Variants in ICA1 observed in about 807,000 individuals in gnomAD.
The protein encoded by ICA1 is 69 kDa islet cell autoantigen.
In ICA1, 40 loss-of-function variants were observed where a neutral mutation model predicts 71.0. That is an observed-to-expected ratio of 0.56 (90% confidence interval 0.44 to 0.73). The LOEUF (loss-of-function observed/expected upper bound fraction) is 0.73. ICA1 is among the 30% of genes least tolerant of loss of function. The probability of loss-of-function intolerance (pLI) is 0.00; values close to 1 mark genes in which losing one functional copy is unlikely to be tolerated. For synonymous variants in ICA1, 207 were observed against 209.5 expected, an observed-to-expected ratio of 0.99 and a Z score of 0.10; for missense variants, 578 against 576.5, an observed-to-expected ratio of 1.00 and a Z score of -0.03.
chr7:8,214,708 CTG>C (rs987156761), intron 6 of ICA1, among the ~76,000 whole-genome samples: 10 of 152,176 alleles, frequency 6.6e-5, no homozygotes, highest in African/African-American at 2.4e-4. Flanking sequence ...CGTCAGGCCT[CTG>C]TGCTTCACAG....
At chr7:8,262,486 C>A (rs879386250), upstream of ICA1, 1 of 152,228 alleles carries the variant, frequency 6.6e-6, no homozygotes, top group African/African-American at 2.4e-5. Flanking sequence ...TTCTCTCTCT[C>A]TACTCCCCGG....
At chr7:8,147,245 A>T (rs1468056595) in intron 8 of ICA1, among the ~76,000 whole-genome samples, 4 of 152,078 alleles carry the variant, frequency 2.6e-5, no homozygotes, top group African/African-American at 9.7e-5. Context: ...AGCAGCTCTC[A>T]GACAATCCTT....
intron 1 of ICA1, among the ~76,000 whole-genome samples, chr7:8,241,486 T>C (rs375321475): frequency 1.6e-4 from 24 of 152,296 alleles, no homozygotes; most frequent in Middle Eastern, 3.4e-3. Context: ...AGACCATCGA[T>C]GCTAGGAAGA....
chr7:8,158,217 A>G (rs901591105), intron 7 of ICA1: 7 of 289,872 alleles, frequency 2.4e-5, no homozygotes, highest in Non-Finnish European at 4.5e-5. Flanking sequence ...AAAAGGCGTG[A>G]CATTCTGTCT....
intron 8 of ICA1, among the ~76,000 whole-genome samples, chr7:8,152,596 C>T (rs925544312): frequency 4.9e-5 from 7 of 142,580 alleles, no homozygotes; most frequent in African/African-American, 1.8e-4. Flanking sequence ...ACCACCACTA[C>T]CCCCAGCACT....
chr7:8,173,854 A>C lies in ICA1; in HGVS notation c.580-15202T>G, dbSNP rs1232307554. ...CCTATAGCTCTCGGTGCTGGAGATA[A>C]GCAGAGAATAAAGCAAAGTCTTTGC... On this transcript the variant is annotated intron_variant, in intron 6 of 13. Transcript: ENST00000402384. The surrounding 1 kb of genome is among the most constrained non-coding windows in gnomAD (Gnocchi z 4.0). Among the ~76,000 whole-genome samples the C allele has an allele frequency of 6.6e-6, 1 of 152,102 alleles. No individual in the cohort carries two copies. Among genetic ancestry groups the C allele is most frequent in the Non-Finnish European group, 1.5e-5 (1 of 68,004 alleles).
intron 6 of ICA1, among the ~76,000 whole-genome samples, chr7:8,207,771 G>T (rs189901177): frequency 1.3e-3 from 194 of 152,290 alleles, no homozygotes; most frequent in African/African-American, 4.4e-3. Flanking sequence ...GTTCTCTGGA[G>T]AACAAGGAAT....
rs1296781842 is a variant in ICA1 at position 8,222,977 on chromosome 7, G to A, written c.257-1579C>T. Among the ~76,000 whole-genome samples, 1 of 152,190 alleles carries A rather than the reference G, an allele frequency of 6.6e-6. No individual in the cohort carries two copies. The highest frequency in any genetic ancestry group is 1.5e-5 in the Non-Finnish European group (1 of 68,032). The stretch of plus-strand genomic sequence containing the variant: ...AATTCACGGTGCTAATTAAATGCTT[G>A]TGAATTGAATTGACTACAATTTTGC... On this transcript the variant is annotated intron_variant, in intron 4 of 13. Coordinates refer to ENST00000402384, the MANE Select transcript of ICA1 (RefSeq NM_001136020.3). This position sits in a 1 kb window ranked among gnomAD's most constrained non-coding sequence, Gnocchi z 4.8.
At position 8,155,648 on chromosome 7, in the gene ICA1, T is replaced by C. The variant is rs145672838; in HGVS notation, c.804+1468A>G. Among the ~76,000 whole-genome samples the C allele has an allele frequency of 5.7e-3, 875 of 152,326 alleles. 9 individuals carry two copies. Among genetic ancestry groups the C allele is most frequent in the African/African-American group, 0.02 (820 of 41,568 alleles). On this transcript the variant is annotated intron_variant, in intron 8 of 13. Transcript: ENST00000402384. The stretch of plus-strand genomic sequence containing the variant: ...GACAGATAAGCTTTGAAATGATGTA[T>C]AAAAGAAAACCCGATGCACATGCAT...
intron 6 of ICA1, among the ~76,000 whole-genome samples, chr7:8,178,182 T>C (rs112089673): frequency 0.019 from 2,925 of 151,962 alleles, 70 homozygotes; most frequent in African/African-American, 0.053. Flanking sequence ...GTTGTTCCCA[T>C]TGGTGTCACG....
intron 10 of ICA1, among the ~76,000 whole-genome samples, chr7:8,139,441 A>T (rs1012020458): frequency 2.0e-5 from 3 of 152,228 alleles, no homozygotes; most frequent in South Asian, 2.1e-4. Context: ...ACATTGCATG[A>T]TTCCAATTAT....
chr7:8,224,526 T>C (rs918069931), intron 4 of ICA1, among the ~76,000 whole-genome samples: 4 of 152,244 alleles, frequency 2.6e-5, no homozygotes, highest in Admixed American at 2.0e-4. Context: ...ATAGAGTTCC[T>C]GTATACATTT....
intron 13 of ICA1, among the ~76,000 whole-genome samples, chr7:8,115,735 A>G (rs2127991725): frequency 6.6e-6 from 1 of 152,368 alleles, no homozygotes; most frequent in South Asian, 2.1e-4. Flanking sequence ...ATACCAAAGA[A>G]ACAGAGCTAG....
intron 13 of ICA1, among the ~76,000 whole-genome samples, chr7:8,118,147 C>T (rs1209500867): frequency 6.6e-6 from 1 of 152,200 alleles, no homozygotes; most frequent in Non-Finnish European, 1.5e-5. Context: ...TTCATTATTA[C>T]AATAATACTC....
chr7:8,210,396 C>T (rs1793247557), intron 6 of ICA1, among the ~76,000 whole-genome samples: 2 of 152,070 alleles, frequency 1.3e-5, no homozygotes, highest in South Asian at 4.1e-4. Context: ...TTTGCACAAA[C>T]GTAACTGAAA....
chr7:8,230,766 T>C (rs904186779), intron 3 of ICA1, among the ~76,000 whole-genome samples: 4 of 152,230 alleles, frequency 2.6e-5, no homozygotes, highest in African/African-American at 9.6e-5. Context: ...TTCCTGGTTC[T>C]ACTTTCCTCC....
intron 8 of ICA1, among the ~76,000 whole-genome samples, chr7:8,145,105 A>T (rs1172854201): frequency 6.6e-6 from 1 of 152,232 alleles, no homozygotes; most frequent in Non-Finnish European, 1.5e-5. Flanking sequence ...CTCTCTCTGC[A>T]CAGAGTAATT....
chr7:8,129,809 C>A (rs539589105), intron 12 of ICA1, among the ~76,000 whole-genome samples: 1 of 151,542 alleles, frequency 6.6e-6, no homozygotes, highest in African/African-American at 2.4e-5. Context: ...CCCATTAACT[C>A]GTCATTTAAC....
At chr7:8,171,844 C>T (rs939618842) in intron 6 of ICA1, among the ~76,000 whole-genome samples, 36 of 152,000 alleles carry the variant, frequency 2.4e-4, no homozygotes, top group African/African-American at 5.3e-4. Context: ...TGATTTCCCT[C>T]GTGACATCTT....
Sources: allele counts gnomAD v4.1 joint callset (sites outside exome capture counted in the v4.1 genomes callset), GRCh38; gene constraint gnomAD v4.1.1; non-coding constraint Gnocchi (gnomAD v3.1); transcripts MANE v1.5; gene names NCBI Gene and HGNC (gene_info 2026-07-23, HGNC 2026-07-21).